DPP6: variants seen among roughly 807,000 people sequenced by gnomAD.
The protein encoded by DPP6 is A-type potassium channel modulatory protein DPP6.
DPP6 carries 69 observed loss-of-function variants against 122.6 expected under a neutral mutation model. That is an observed-to-expected ratio of 0.56 (90% CI 0.46 to 0.69). DPP6 has a LOEUF of 0.69. DPP6 is among the 30% of genes least tolerant of loss of function. The probability of loss-of-function intolerance (pLI) is 0.00; values close to 1 mark genes in which losing one functional copy is unlikely to be tolerated. For missense variants in DPP6, 928 were observed against 1,116.9 expected (o/e 0.83, Z 2.41); for synonymous variants, 418 against 433.1 (o/e 0.97, Z 0.43).
intron 1 of DPP6, among the ~76,000 whole-genome samples, chr7:154,035,143 A>G (rs1304140072): frequency 6.6e-6 from 1 of 152,194 alleles, no homozygotes; most frequent in Non-Finnish European, 1.5e-5. Flanking sequence ...CTGAGGGTAA[A>G]GCCTTTAACT....
intron 4 of DPP6, among the ~76,000 whole-genome samples, chr7:154,561,974 G>T (rs1371865122): frequency 1.3e-5 from 2 of 152,074 alleles, no homozygotes; most frequent in Admixed American, 1.3e-4. Flanking sequence ...TAAAACTCAA[G>T]GCCCAAATTG....
chr7:154,232,669 A>T (rs914957539), intron 1 of DPP6, among the ~76,000 whole-genome samples: 1 of 152,188 alleles, frequency 6.6e-6, no homozygotes, highest in African/African-American at 2.4e-5. Context: ...AGCATGTTCT[A>T]TTTTGACAAA....
At chr7:154,732,541 TA>T (rs1842389530) in intron 8 of DPP6, among the ~76,000 whole-genome samples, 1 of 152,146 alleles carries the variant, frequency 6.6e-6, no homozygotes, top group East Asian at 1.9e-4. Flanking sequence ...CTTATGTATA[TA>T]AAAGATCTTA....
chr7:153,792,190 T>C, the DPP6 span, among the ~76,000 whole-genome samples: 13 of 152,398 alleles, frequency 8.5e-5, no homozygotes, highest in African/African-American at 3.1e-4. Flanking sequence ...GATGTTCCTA[T>C]GTTGATGTTC....
At chr7:154,488,066 T>A (rs1038518714) in intron 3 of DPP6, among the ~76,000 whole-genome samples, 37 of 152,002 alleles carry the variant, frequency 2.4e-4, no homozygotes, top group African/African-American at 8.2e-4. Flanking sequence ...TATTAACTGA[T>A]TGAATGATTC....
chr7:154,611,401 T>A (rs12719633), intron 5 of DPP6, among the ~76,000 whole-genome samples: 61,480 of 151,994 alleles, frequency 0.4, 13,449 homozygotes, highest in East Asian at 0.65. Context: ...GTTCAGCAAA[T>A]GTTTGTGGGA....
intron 5 of DPP6, among the ~76,000 whole-genome samples, chr7:154,611,551 G>A (rs1159180229): frequency 6.6e-6 from 1 of 152,086 alleles, no homozygotes; most frequent in Admixed American, 6.6e-5. Flanking sequence ...GTGTGTGTGT[G>A]TAATATTAAG....
At chr7:154,546,640 C>A (rs1829219797) in intron 4 of DPP6, among the ~76,000 whole-genome samples, 1 of 152,020 alleles carries the variant, frequency 6.6e-6, no homozygotes, top group African/African-American at 2.4e-5. Context: ...TAAGCTGTAT[C>A]CTTCTTGGTT....
At chr7:153,886,495 G>A (rs1037801547), upstream of DPP6, among the ~76,000 whole-genome samples, 1 of 152,172 alleles carries the variant, frequency 6.6e-6, no homozygotes, top group Non-Finnish European at 1.5e-5. Flanking sequence ...AGATCCCGCA[G>A]GCAGCCAAGA....
chr7:154,338,634 T>A (rs967546635), intron 1 of DPP6, among the ~76,000 whole-genome samples: 7 of 152,202 alleles, frequency 4.6e-5, no homozygotes, highest in African/African-American at 1.4e-4. Context: ...GGTTCATCCA[T>A]CTTATTTCTT....
chr7:154,658,626 G>A (rs1837421844), intron 6 of DPP6, among the ~76,000 whole-genome samples: 1 of 152,176 alleles, frequency 6.6e-6, no homozygotes, highest in South Asian at 2.1e-4. Context: ...GATGGAGAGG[G>A]AAGCCCTGTA....
intron 19 of DPP6, among the ~76,000 whole-genome samples, chr7:154,873,667 C>T (rs751759930): frequency 4.6e-5 from 7 of 152,196 alleles, no homozygotes; most frequent in Non-Finnish European, 8.8e-5. Context: ...TTGCAATTAA[C>T]CCACTTTCCT....
In DPP6 at chr7:154,794,156, T is replaced by A. The variant is rs772391728; in HGVS notation, c.1214T>A (p.Val405Glu). 6.2e-6 allele frequency: 10 copies of A among 1,612,944 alleles called. No homozygotes were observed. The Admixed American group carries it at 1.5e-4, about 24-fold the overall frequency. Residue 405 changes from valine to glutamate, a missense_variant, in exon 11 of 26, where the codon GTG becomes GAG. Coordinates refer to ENST00000377770, the MANE Select transcript of DPP6 (RefSeq NM_130797.4). ...ACCTGGCTGAACCGGGCGCAGAACGTGTCCATCCTCACCCTCTGCGACGCC... is the reference window on the plus strand; with the variant it reads ...ACCTGGCTGAACCGGGCGCAGAACGAGTCCATCCTCACCCTCTGCGACGCC... The part of the protein sequence containing the change: ...AVTWLNRAQN[V>E]SILTLCDATT...
intron 1 of DPP6, among the ~76,000 whole-genome samples, chr7:154,339,932 G>A (rs1585991299): frequency 6.6e-6 from 1 of 152,028 alleles, no homozygotes; most frequent in South Asian, 2.1e-4. Context: ...AATTAGCTGG[G>A]CATGGGTGCA....
intron 1 of DPP6, among the ~76,000 whole-genome samples, chr7:154,370,555 C>T (rs1313618051): frequency 1.3e-5 from 2 of 152,138 alleles, no homozygotes; most frequent in East Asian, 1.9e-4. Flanking sequence ...TTAAACTCTT[C>T]GTTGATCTTT....
At chr7:154,225,177 A>T (rs1382737722) in intron 1 of DPP6, among the ~76,000 whole-genome samples, 1 of 152,134 alleles carries the variant, frequency 6.6e-6, no homozygotes, top group Non-Finnish European at 1.5e-5. Flanking sequence ...ATAAATAAAT[A>T]AAAACATACT....
intron 11 of DPP6, 39 bp from the exon 12 acceptor site, chr7:154,795,797 GAAAAGAAAA>G (rs1798013974): frequency 2.9e-6 from 3 of 1,027,386 alleles, no homozygotes; most frequent in Admixed American, 4.6e-5. Context: ...AAAAAAAAAA[GAAAAGAAAA>G]GAAAAACCCT....
intron 1 of DPP6, among the ~76,000 whole-genome samples, chr7:154,061,636 TGC>T (rs1801913287): frequency 4.4e-4 from 55 of 125,620 alleles, no homozygotes; most frequent in Admixed American, 9.8e-4. Context: ...AGGCACCCGC[TGC>T]GAGGCGGGGA....
chr7:153,759,273 A>G, the DPP6 span, among the ~76,000 whole-genome samples: 1 of 150,842 alleles, frequency 6.6e-6, no homozygotes, highest in Non-Finnish European at 1.5e-5. Flanking sequence ...TCAGCTATAT[A>G]TTTGCAAAGT....
Sources: allele counts gnomAD v4.1 joint callset (sites outside exome capture counted in the v4.1 genomes callset), GRCh38; gene constraint gnomAD v4.1.1; transcripts MANE v1.5; gene names NCBI Gene and HGNC (gene_info 2026-07-23, HGNC 2026-07-21).